The following CYRIB variants were observed in gnomAD, a reference collection of about 807,000 sequenced individuals.
The protein encoded by CYRIB is CYFIP-related Rac1 interactor B.
A neutral mutation model predicts 44.2 loss-of-function variants in CYRIB; 8 were observed. The ratio of observed to expected loss-of-function variants is 0.18; its 90% confidence interval spans 0.11 to 0.33. The LOEUF is 0.33. Ranked by LOEUF, CYRIB falls within the 10% of genes least tolerant of loss-of-function variation. The probability of loss-of-function intolerance (pLI) is 1.00; values close to 1 mark genes in which losing one functional copy is unlikely to be tolerated. For synonymous variants in CYRIB, 131 were observed against 127.2 expected, an observed-to-expected ratio of 1.03 and a Z score of -0.20; for missense variants, 185 against 382.8, an observed-to-expected ratio of 0.48 and a Z score of 4.31.
At position 129,862,213 on chromosome 8, in the gene CYRIB, A is replaced by C; in HGVS notation, c.301+16T>G. On this transcript the variant is annotated intron_variant, in intron 5 of 11. Transcript: ENST00000519824. ...TTTTCACTAGGGAAGTCACAATTAC[A>C]AAACTTTCAACTTACCTAACCTCTG... is the stretch of plus-strand genomic sequence containing the variant. The C allele has an allele frequency of 1.3e-6, 2 of 1,575,470 alleles. No individual in the cohort carries two copies. The highest frequency in any genetic ancestry group is 1.7e-6 in the Non-Finnish European group (2 of 1,147,160).
chr8:129,913,334 A>C (rs767577364), intron 1 of CYRIB, among the ~76,000 whole-genome samples: 1 of 152,142 alleles, frequency 6.6e-6, no homozygotes, highest in Non-Finnish European at 1.5e-5. Context: ...GTCTTTCCCC[A>C]CAGTGTTGTA....
chr8:129,976,164 A>G (rs1591556141), intron 1 of CYRIB, among the ~76,000 whole-genome samples: 1 of 151,850 alleles, frequency 6.6e-6, no homozygotes, highest in African/African-American at 2.4e-5. Context: ...CTTGTTTATC[A>G]CTTGTTTTTT....
intron 2 of CYRIB, among the ~76,000 whole-genome samples, chr8:129,884,733 C>T (rs1298453592): frequency 6.6e-6 from 1 of 152,174 alleles, no homozygotes; most frequent in Non-Finnish European, 1.5e-5. Context: ...TATTTTCTAT[C>T]GTAATCCTTG....
At chr8:129,996,568 C>T (rs1457900467) in intron 1 of CYRIB, among the ~76,000 whole-genome samples, 1 of 152,154 alleles carries the variant, frequency 6.6e-6, no homozygotes, top group African/African-American at 2.4e-5. Flanking sequence ...ATTATCATTC[C>T]CTACTCATTT....
At chr8:130,001,582 G>A (rs984207007) in intron 1 of CYRIB, among the ~76,000 whole-genome samples, 9 of 143,474 alleles carry the variant, frequency 6.3e-5, no homozygotes, top group Non-Finnish European at 1.3e-4. Flanking sequence ...AGGCTGGGGT[G>A]CAATGGCGCA....
chr8:129,862,647 T>G (rs895887895), intron 4 of CYRIB, among the ~76,000 whole-genome samples: 5 of 152,170 alleles, frequency 3.3e-5, no homozygotes, highest in Admixed American at 6.5e-5. Flanking sequence ...AATTTTTTTA[T>G]TTTTAGTAGA....
chr8:129,922,982 C>T (rs2084678488), intron 1 of CYRIB, among the ~76,000 whole-genome samples: 1 of 151,366 alleles, frequency 6.6e-6, no homozygotes, highest in African/African-American at 2.4e-5. Flanking sequence ...GTAATCCCAG[C>T]ACTTTGGAAG....
intron 1 of CYRIB, among the ~76,000 whole-genome samples, chr8:129,936,823 C>T (rs1287261451): frequency 1.3e-5 from 2 of 151,450 alleles, no homozygotes; most frequent in South Asian, 2.1e-4. Flanking sequence ...TCTCCTGCCT[C>T]GGCCTCCTGA....
rs1173060259 is a variant in CYRIB, at chr8:129,983,242, G to C, written c.-295-12247C>G. On this transcript the variant is annotated intron_variant, in intron 1 of 14. Coordinates refer to the CYRIB transcript ENST00000401979. The stretch of plus-strand genomic sequence containing the variant: ...GGGCAGATCACGAGGTCAGGAGATC[G>C]AGACCATCCTGGCTAACACGGTGAA... Among the ~76,000 whole-genome samples the C allele has an allele frequency of 2.0e-5, 3 of 152,152 alleles. No individual in the cohort carries two copies. In the East Asian group the frequency reaches 5.8e-4, roughly 29 times the overall value.
intron 2 of CYRIB, among the ~76,000 whole-genome samples, chr8:129,957,179 T>C (rs573661765): frequency 5.9e-5 from 9 of 152,294 alleles, no homozygotes; most frequent in African/African-American, 2.2e-4. Flanking sequence ...CTGCATTTTA[T>C]CCTCAGACCT....
chr8:129,959,741 C>G (rs1258794683), intron 2 of CYRIB, among the ~76,000 whole-genome samples: 3 of 152,214 alleles, frequency 2.0e-5, no homozygotes, highest in Non-Finnish European at 4.4e-5. Flanking sequence ...TTCAGTCAGG[C>G]ACACCTTACC....
intron 1 of CYRIB, among the ~76,000 whole-genome samples, chr8:129,927,080 T>G (rs966971663): frequency 1.3e-5 from 2 of 151,982 alleles, no homozygotes; most frequent in Non-Finnish European, 2.9e-5. Context: ...ATCAGGAGTT[T>G]GAGACCAGGC....
At chr8:129,935,838 C>G (rs972682675) in intron 1 of CYRIB, among the ~76,000 whole-genome samples, 1 of 152,164 alleles carries the variant, frequency 6.6e-6, no homozygotes, top group Non-Finnish European at 1.5e-5. Context: ...AACAAAATCA[C>G]ACAATATCTT....
intron 1 of CYRIB, among the ~76,000 whole-genome samples, chr8:129,971,694 C>G (rs957414188): frequency 6.6e-6 from 1 of 152,182 alleles, no homozygotes. Context: ...TTGGTCCCAG[C>G]AAAATGCTCA....
At chr8:129,932,388 T>C (rs1159505188) in intron 1 of CYRIB, among the ~76,000 whole-genome samples, 1 of 152,182 alleles carries the variant, frequency 6.6e-6, no homozygotes, top group Non-Finnish European at 1.5e-5. Context: ...ATAATAAATA[T>C]AATGTATTCC....
intron 1 of CYRIB, among the ~76,000 whole-genome samples, chr8:129,978,065 C>T (rs1486355803): frequency 2.0e-5 from 3 of 152,126 alleles, no homozygotes; most frequent in Non-Finnish European, 4.4e-5. Flanking sequence ...GTTGTACAGG[C>T]GTGTGCCACC....
At chr8:130,014,569 T>C (rs1469779373) in intron 1 of CYRIB, among the ~76,000 whole-genome samples, 1 of 152,080 alleles carries the variant, frequency 6.6e-6, no homozygotes, top group Non-Finnish European at 1.5e-5. Context: ...CTAAGGATCC[T>C]AAGAGAGGCA....
chr8:129,919,074 G>A (rs1284551399), intron 1 of CYRIB, among the ~76,000 whole-genome samples: 3 of 151,940 alleles, frequency 2.0e-5, no homozygotes, highest in Non-Finnish European at 4.4e-5. Context: ...TGCCACGTTG[G>A]CCAGGCTTGT....
At position 129,871,627 on chromosome 8, in the gene CYRIB, T is replaced by A. The variant is rs1156659650; in HGVS notation, c.74-131A>T. ...TCTAGTTAATGTTAACTTTGAACTT[T>A]TAAAGAAAAGACTAATACTTTTTCC... On this transcript the variant is annotated intron_variant, in intron 3 of 11. Coordinates refer to ENST00000519824, the Ensembl canonical transcript of CYRIB. 7 of 907,376 alleles carry A rather than the reference T, an allele frequency of 7.7e-6. No homozygotes were observed. In the African/African-American group the frequency reaches 1.0e-4, roughly 13 times the overall value. 56.2% of individuals were successfully genotyped at this position (907,376 alleles called of 1,614,324 possible).
Sources: allele counts gnomAD v4.1 joint callset (sites outside exome capture counted in the v4.1 genomes callset), GRCh38; gene constraint gnomAD v4.1.1; transcripts MANE v1.5; gene names NCBI Gene and HGNC (gene_info 2026-07-23, HGNC 2026-07-21).